SLC9A3: variants seen among roughly 807,000 people sequenced by gnomAD.
SLC9A3 encodes the protein sodium/hydrogen exchanger 3.
A neutral mutation model predicts 86.8 loss-of-function variants in SLC9A3; 37 were observed. The observed-to-expected ratio is 0.43, with a 90% CI of 0.33 to 0.56. The LOEUF (loss-of-function observed/expected upper bound fraction) is 0.56, where lower values mean the gene tolerates loss of function less well. Among genes scored for constraint, SLC9A3 ranks in the 20% least tolerant of loss-of-function variants. SLC9A3 has a pLI of 0.06. For missense variants in SLC9A3, 1,011 were observed against 1,171.9 expected (o/e 0.86, Z 2.00); for synonymous variants, 581 against 528.3 (o/e 1.10, Z -1.37).
chr5:507,166 CTTTTTTTT>C (rs778066069), intron 1 of SLC9A3, among the ~76,000 whole-genome samples: 1 of 30,668 alleles, frequency 3.3e-5, no homozygotes, highest in Non-Finnish European at 6.1e-5. Context: ...GCTGCTGCTT[CTTTTTTTT>C]TTTTTTTTTT....
intron 1 of SLC9A3, among the ~76,000 whole-genome samples, chr5:495,420 C>T (rs1173959348): frequency 3.6e-4 from 51 of 141,930 alleles, no homozygotes; most frequent in South Asian, 1.4e-3. Context: ...CCACTCCCCG[C>T]GCCATCGCCG....
Position 473,331 on chromosome 5 carries a change from C to A in SLC9A3, c.*48G>T. 1.4e-6 allele frequency: 2 copies of A among 1,408,636 alleles called. No homozygotes were observed. The highest frequency in any genetic ancestry group is 1.5e-5 in the South Asian group (1 of 67,510). 87.3% of individuals were successfully genotyped at this position (1,408,636 alleles called of 1,614,324 possible). A position where few individuals can be genotyped will look rare whatever the true frequency, so the allele number is the denominator to read the frequency against. ...GACAGCGGCGGCGGCGGTGGGCGGA[C>A]CGTGGCGCGGGGACGAGCGGCCGGT... is the stretch of plus-strand genomic sequence containing the variant. On this transcript the variant is annotated 3_prime_UTR_variant, in exon 17 of 17. Transcript: ENST00000264938.
At chr5:517,467 TATCCATCCACTC>T (rs1011474804) in intron 1 of SLC9A3, among the ~76,000 whole-genome samples, 1 of 142,970 alleles carries the variant, frequency 7.0e-6, no homozygotes, top group African/African-American at 2.6e-5. Context: ...CCAAGCCATC[TATCCATCCACTC>T]ATCCATCCAT....
In SLC9A3 at chr5:471,514, C is replaced by T. The variant is rs1738356225; in HGVS notation, c.*1865G>A. The T allele has an allele frequency of 5.8e-6, 2 of 344,790 alleles. No individual in the cohort carries two copies. Among genetic ancestry groups the T allele is most frequent in the Admixed American group, 8.0e-5 (2 of 25,076 alleles). 21.4% of individuals were successfully genotyped at this position (344,790 alleles called of 1,614,324 possible). A position where few individuals can be genotyped will look rare whatever the true frequency, so the allele number is the denominator to read the frequency against. On this transcript the variant is annotated 3_prime_UTR_variant, in exon 17 of 17. Coordinates refer to ENST00000264938, the MANE Select transcript of SLC9A3 (RefSeq NM_004174.4). ...GGGACAAACTGGGGGCCTGTCAGAA[C>T]AGCCACTTGTGCCGGGAAGGCCAGG...
At chr5:507,117 TA>T (rs1052786703) in intron 1 of SLC9A3, among the ~76,000 whole-genome samples, 1 of 137,504 alleles carries the variant, frequency 7.3e-6, no homozygotes, top group African/African-American at 2.8e-5. Flanking sequence ...AATAAATAAA[TA>T]AATAAAGTTA....
At chr5:485,289 G>A (rs371869830) in intron 3 of SLC9A3, 58 bp from the exon 4 acceptor site, 51 of 1,424,178 alleles carry the variant, frequency 3.6e-5, no homozygotes, top group African/African-American at 2.9e-4. Context: ...CCCCCTCTCC[G>A]GGGCCCGGGC....
At chr5:489,093 C>T (rs575842194) in intron 2 of SLC9A3, among the ~76,000 whole-genome samples, 1 of 152,342 alleles carries the variant, frequency 6.6e-6, no homozygotes, top group South Asian at 2.1e-4. Flanking sequence ...TTATCCTTCA[C>T]AAGTCTTTGC....
chr5:476,782 C>T (rs1738770900), intron 11 of SLC9A3, 110 bp from the exon 12 acceptor site: 1 of 1,343,556 alleles, frequency 7.4e-7, no homozygotes, highest in South Asian at 1.3e-5. Flanking sequence ...CCTGCGTGCC[C>T]CTCGCCTTCC....
In SLC9A3 at chr5:524,404, C is replaced by G; in HGVS notation, c.-82G>C. ...CTGGGCCGACGCGCGGGGCTGGGAC[C>G]CGGCGAGGACCCGGCGCGCTCCGGT... On this transcript the variant is annotated 5_prime_UTR_variant, in exon 1 of 17. Transcript: ENST00000264938. 2.0e-6 allele frequency: 1 copy of G among 497,120 alleles called. No individual in the cohort carries two copies. 30.8% of individuals were successfully genotyped at this position (497,120 alleles called of 1,614,324 possible).
Position 498,084 on chromosome 5 carries a change from G to A in SLC9A3, c.212-6013C>T, listed in dbSNP as rs181572613. ...TCGCTCTATCTTATCTTTTTTCTCC[G>A]CACTCCTGGACGTCTCTCGGACCTT... is the stretch of plus-strand genomic sequence containing the variant. On this transcript the variant is annotated intron_variant, in intron 1 of 16. Coordinates refer to ENST00000264938, the MANE Select transcript of SLC9A3 (RefSeq NM_004174.4). 3.8e-3 allele frequency among the ~76,000 whole-genome samples: 574 copies of A among 152,166 alleles called. 10 individuals carry two copies. The highest frequency in any genetic ancestry group is 6.2e-3 in the South Asian group (30 of 4,822).
chr5:499,689 C>G (rs1740175067), intron 1 of SLC9A3, among the ~76,000 whole-genome samples: 1 of 152,248 alleles, frequency 6.6e-6, no homozygotes, highest in African/African-American at 2.4e-5. Context: ...ACCAGTCACT[C>G]CTGCTCCCTG....
chr5:490,394 T>C (rs1340704208), intron 2 of SLC9A3, among the ~76,000 whole-genome samples: 1 of 151,864 alleles, frequency 6.6e-6, no homozygotes, highest in African/African-American at 2.4e-5. Context: ...CCTCCAGGGC[T>C]TCATGGTGCA....
rs76962619 is a variant in SLC9A3, at chr5:518,594, C to T, written c.211+5518G>A. Among the ~76,000 whole-genome samples the T allele has an allele frequency of 2.1e-3, 316 of 152,290 alleles. 3 individuals carry two copies. The East Asian group carries it at 0.049, about 24-fold the overall frequency. ...TCCTGGTTGTGGGACTCAGCCCAGACGCTGGGCAGATGATGTGCAGGATGG... is the reference window on the plus strand; with the variant it reads ...TCCTGGTTGTGGGACTCAGCCCAGATGCTGGGCAGATGATGTGCAGGATGG... On this transcript the variant is annotated intron_variant, in intron 1 of 16. Coordinates refer to ENST00000264938, the MANE Select transcript of SLC9A3 (RefSeq NM_004174.4).
intron 15 of SLC9A3, 29 bp from the exon 16 acceptor site, chr5:475,161 C>G: frequency 6.5e-7 from 1 of 1,541,496 alleles, no homozygotes; most frequent in Non-Finnish European, 8.7e-7. Flanking sequence ...GCTAGTCAGC[C>G]TTCGGAGAGC....
chr5:488,857 C>T lies in SLC9A3; in HGVS notation c.515-381G>A, dbSNP rs535952866. Among the ~76,000 whole-genome samples, 262 of 152,144 alleles carry T rather than the reference C, an allele frequency of 1.7e-3. 1 individual carries two copies. The highest frequency in any genetic ancestry group is 5.9e-3 in the African/African-American group (245 of 41,514). ...AAGTGGGGCTGACCCAGGACGGGCC[C>T]GGAGCCGGGACACACAGCACCCAGG... On this transcript the variant is annotated intron_variant, in intron 2 of 16. Transcript: ENST00000264938.
chr5:475,913 G>A lies in SLC9A3; in HGVS notation c.2140+107C>T, dbSNP rs959093799. 10 of 1,000,878 alleles carry A rather than the reference G, an allele frequency of 1.0e-5. No individual in the cohort carries two copies. In the African/African-American group the frequency reaches 1.3e-4, roughly 13 times the overall value. The allele number at this position is 1,000,878 out of a possible 1,614,324, so 62.0% of individuals were successfully genotyped here. ...CCTCCCCTGCCTGGGTGGCTGGAGGGTCCCCAGAGGGGAAGGTCCTGAGAG... is the reference window on the plus strand; with the variant it reads ...CCTCCCCTGCCTGGGTGGCTGGAGGATCCCCAGAGGGGAAGGTCCTGAGAG... On this transcript the variant is annotated intron_variant, in intron 14 of 16. Transcript: ENST00000264938.
intron 9 of SLC9A3, 86 bp downstream of exon 9, chr5:481,479 T>G: frequency 1.8e-6 from 2 of 1,131,544 alleles, no homozygotes; most frequent in Non-Finnish European, 2.7e-6. Context: ...ACAGTTGTTA[T>G]GCATGTGGCT....
At chr5:507,163 C>CTT (rs1740624902) in intron 1 of SLC9A3, among the ~76,000 whole-genome samples, 1 of 34,754 alleles carries the variant, frequency 2.9e-5, no homozygotes, top group African/African-American at 1.3e-4. Context: ...CCGGCTGCTG[C>CTT]TTCTTTTTTT....
At position 471,912 on chromosome 5, in the gene SLC9A3, T is replaced by A; in HGVS notation, c.*1467A>T. ...TGGGGACTCAATGTGCAATATTCAG[T>A]CAACATAAAACTCTTTAAGAACTCC... On this transcript the variant is annotated 3_prime_UTR_variant, in exon 17 of 17. Transcript: ENST00000264938. 1 of 456,654 alleles carries A rather than the reference T, an allele frequency of 2.2e-6. No individual in the cohort carries two copies. Among genetic ancestry groups the A allele is most frequent in the Non-Finnish European group, 4.4e-6 (1 of 226,960 alleles). The allele number at this position is 456,654 out of a possible 1,614,324, so 28.3% of individuals were successfully genotyped here.
Sources: gnomAD v4.1 joint callset for allele counts (sites outside exome capture counted in the v4.1 genomes callset) on GRCh38, gnomAD v4.1.1 for gene constraint, MANE v1.5 for transcripts, NCBI Gene and HGNC (gene_info 2026-07-23, HGNC 2026-07-21) for gene names.